The following BICRA variants were observed in gnomAD, a reference collection of about 807,000 sequenced individuals.
BICRA encodes the protein BRD4 interacting chromatin remodeling complex associated protein.
BICRA carries 31 observed loss-of-function variants against 96.9 expected under a neutral mutation model. That is an observed-to-expected ratio of 0.32 (90% CI 0.24 to 0.43). The LOEUF (loss-of-function observed/expected upper bound fraction) is 0.43. Ranked by LOEUF, BICRA falls within the 20% of genes least tolerant of loss-of-function variation. The pLI, the probability that BICRA is intolerant of heterozygous loss-of-function variation, is 1.00. For missense variants in BICRA, 2,283 were observed against 2,190.3 expected, an observed-to-expected ratio of 1.04 and a Z score of -0.84; for synonymous variants, 1,350 against 1,071.8, an observed-to-expected ratio of 1.26 and a Z score of -5.07.
At chr19:47,648,270 C>T (rs1036504289) in intron 1 of BICRA, among the ~76,000 whole-genome samples, 1 of 152,032 alleles carries the variant, frequency 6.6e-6, no homozygotes, top group African/African-American at 2.4e-5. Context: ...CTCCCGCCTC[C>T]AGCTGACCAA....
At chr19:47,673,269 AG>A (rs2123576675) in intron 2 of BICRA, among the ~76,000 whole-genome samples, 1 of 152,238 alleles carries the variant, frequency 6.6e-6, no homozygotes, top group African/African-American at 2.4e-5. Context: ...GGATACCCTG[AG>A]GATTAGCTTA....
chr19:47,672,848 C>T (rs956744371), intron 2 of BICRA, among the ~76,000 whole-genome samples: 3 of 152,076 alleles, frequency 2.0e-5, no homozygotes, highest in Non-Finnish European at 1.5e-5. Context: ...TCCTCATCCT[C>T]ATCATTCAGA....
At chr19:47,696,815 G>A (rs564818936) in intron 11 of BICRA, among the ~76,000 whole-genome samples, 41 of 152,136 alleles carry the variant, frequency 2.7e-4, no homozygotes, top group African/African-American at 7.2e-4. Context: ...GGGCCGCGTC[G>A]GTGCTGAGCC....
At position 47,625,708 on chromosome 19, in the gene BICRA, G is replaced by A. The variant is rs560179481; in HGVS notation, c.-108+16540G>A. Among the ~76,000 whole-genome samples, 5 of 152,256 alleles carry A rather than the reference G, an allele frequency of 3.3e-5. No individual in the cohort carries two copies. The South Asian group carries it at 1.0e-3, about 32-fold the overall frequency. On this transcript the variant is annotated intron_variant, in intron 1 of 14. Coordinates refer to ENST00000594866, the MANE Select transcript of BICRA (RefSeq NM_001394372.1). ...AAGAGCCTGGAGGAGGTGGTACTGG[G>A]TTGGGCTCAGAAGTGAAGTTTGCTC... is the stretch of plus-strand genomic sequence containing the variant.
At chr19:47,636,434 CTT>C (rs1488818891) in intron 1 of BICRA, among the ~76,000 whole-genome samples, 1 of 152,166 alleles carries the variant, frequency 6.6e-6, no homozygotes, top group Non-Finnish European at 1.5e-5. Context: ...GTCTCCAACT[CTT>C]GAGCTCAAGT....
chr19:47,623,140 C>T (rs1474335170), intron 1 of BICRA, among the ~76,000 whole-genome samples: 3 of 151,832 alleles, frequency 2.0e-5, no homozygotes, highest in Admixed American at 6.6e-5. Context: ...AATATATACT[C>T]CTATTTATAA....
intron 1 of BICRA, among the ~76,000 whole-genome samples, chr19:47,641,420 A>G (rs922941275): frequency 6.6e-6 from 1 of 152,136 alleles, no homozygotes; most frequent in Non-Finnish European, 1.5e-5. Flanking sequence ...TGGCTCAGGC[A>G]ATGCAAAAAT....
chr19:47,696,491 T>A lies in BICRA; in HGVS notation c.3227T>A (p.Leu1076His). 6.2e-7 allele frequency: 1 copy of A among 1,604,948 alleles called. No individual in the cohort carries two copies. Among genetic ancestry groups the A allele is most frequent in the Non-Finnish European group, 8.5e-7 (1 of 1,175,892 alleles). Residue 1076 changes from leucine (L) to histidine (H), a missense_variant, in exon 11 of 15, where the codon CTT (leucine) becomes CAT (histidine). Physicochemically the swap from Leu to His is moderately conservative, Grantham distance 99 (BLOSUM62 -3). Transcript: ENST00000594866. ...AGTGGCCTGAAGAAGCCCCCCACGC[T>A]TCAGCCCAGCAAGGAAGCCTGGTGA... ...KLSGLKKPPT[L>H]QPSKEACFLE...
chr19:47,672,392 G>A (rs1409219355), intron 2 of BICRA, among the ~76,000 whole-genome samples: 1 of 150,954 alleles, frequency 6.6e-6, no homozygotes, highest in Non-Finnish European at 1.5e-5. Flanking sequence ...ATGGAAGGAT[G>A]GAGGATGGGT....
chr19:47,698,586 T>TACC lies in BICRA; in HGVS notation c.3249-48_3249-47insACC. On this transcript the variant is annotated intron_variant, in intron 11 of 14. Transcript: ENST00000594866. The surrounding 1 kb of genome is among the most constrained non-coding windows in gnomAD (Gnocchi z 4.8). ...AGGGACTTCCCCTGGCCCTCACCCG[T>TACC]CCCCCCCACCCTCCGCCGTGTGTGG... 2 of 716,710 alleles carry TACC rather than the reference T, an allele frequency of 2.8e-6. No individual in the cohort carries two copies. Among genetic ancestry groups the TACC allele is most frequent in the East Asian group, 2.9e-5 (1 of 34,894 alleles). The allele number at this position is 716,710 out of a possible 1,614,324, so 44.4% of individuals were successfully genotyped here.
chr19:47,664,761 G>A (rs926767247), intron 1 of BICRA, among the ~76,000 whole-genome samples: 1 of 152,190 alleles, frequency 6.6e-6, no homozygotes, highest in Non-Finnish European at 1.5e-5. Context: ...GTGTGCCCGT[G>A]GGGGGTTGGC....
At chr19:47,621,466 C>CTT (rs751401159) in intron 1 of BICRA, among the ~76,000 whole-genome samples, 1 of 135,016 alleles carries the variant, frequency 7.4e-6, no homozygotes, top group Non-Finnish European at 1.6e-5. Flanking sequence ...ATTTTTTAGT[C>CTT]TTTTTTTTTT....
At chr19:47,610,049 C>T (rs563756795) in intron 1 of BICRA, among the ~76,000 whole-genome samples, 1 of 152,238 alleles carries the variant, frequency 6.6e-6, no homozygotes, top group Non-Finnish European at 1.5e-5. Context: ...GAACGGGAGG[C>T]ACCAGGCCCG....
At chr19:47,684,177 A>T (rs1322815276) in intron 7 of BICRA, among the ~76,000 whole-genome samples, 1 of 152,064 alleles carries the variant, frequency 6.6e-6, no homozygotes, top group Non-Finnish European at 1.5e-5. Flanking sequence ...GTTTGCTTTT[A>T]TTATTATTAC....
At chr19:47,612,891 C>A (rs936944577) in intron 1 of BICRA, among the ~76,000 whole-genome samples, 1 of 151,718 alleles carries the variant, frequency 6.6e-6, no homozygotes, top group Non-Finnish European at 1.5e-5. Context: ...AGCCACTGTC[C>A]CCTCCTTTAA....
chr19:47,618,957 G>A (rs1036358508), intron 1 of BICRA, among the ~76,000 whole-genome samples: 1 of 152,156 alleles, frequency 6.6e-6, no homozygotes, highest in Non-Finnish European at 1.5e-5. Flanking sequence ...TGCCTCACAG[G>A]GTGGCTGTGA....
intron 1 of BICRA, among the ~76,000 whole-genome samples, chr19:47,661,427 C>T (rs1050743222): frequency 3.3e-5 from 5 of 151,438 alleles, no homozygotes; most frequent in Admixed American, 6.6e-5. Flanking sequence ...CGGTGGCCAG[C>T]GAGGAAGGGG....
intron 5 of BICRA, chr19:47,678,833 G>T: frequency 9.4e-6 from 2 of 211,902 alleles, no homozygotes; most frequent in Non-Finnish European, 1.9e-5. Flanking sequence ...GCAGAGCTGG[G>T]ATTTGATCCC....
At chr19:47,639,849 G>A (rs187869531) in intron 1 of BICRA, among the ~76,000 whole-genome samples, 55 of 151,596 alleles carry the variant, frequency 3.6e-4, no homozygotes, top group Admixed American at 7.2e-4. Context: ...TAGCTATGAT[G>A]CCCAGGCTGG....
Sources: gnomAD v4.1 joint callset for allele counts (sites outside exome capture counted in the v4.1 genomes callset) on GRCh38, gnomAD v4.1.1 for gene constraint, Gnocchi (gnomAD v3.1) non-coding constraint, MANE v1.5 for transcripts, NCBI Gene and HGNC (gene_info 2026-07-23, HGNC 2026-07-21) for gene names.